GATA2: variants seen among roughly 807,000 people sequenced by gnomAD.
GATA2 encodes endothelial transcription factor GATA-2.
Under a neutral mutation model 35.7 loss-of-function variants are expected in GATA2, and 6 were observed. The observed-to-expected ratio is 0.17, with a 90% confidence interval of 0.09 to 0.33. The LOEUF is 0.33. Among genes scored for constraint, GATA2 ranks in the 10% least tolerant of loss-of-function variants. The pLI, the probability that GATA2 is intolerant of heterozygous loss-of-function variation, is 1.00. For synonymous variants in GATA2, 313 were observed against 274.9 expected (o/e 1.14, Z -1.37); for missense variants, 541 against 656.6 (o/e 0.82, Z 1.92).
At position 128,486,987 on chromosome 3, in the gene GATA2, G is replaced by T. The variant is rs1278414376; in HGVS notation, c.45C>A (p.Ala15=). 6 of 1,607,530 alleles carry T rather than the reference G, an allele frequency of 3.7e-6. No individual in the cohort carries two copies. The highest frequency in any genetic ancestry group is 5.1e-6 in the Non-Finnish European group (6 of 1,177,092). ...PEQPRWMAHP[A]VLNAQHPDSH... ...AGTCGGGGTGCTGCGCATTCAGCAC[G>T]GCCGGGTGCGCCATCCAGCGCGGCT... The change falls in exon 2 of 6, where the codon GCC becomes GCA. Residue 15 remains alanine (A), a synonymous_variant. Coordinates refer to ENST00000341105, the MANE Select transcript of GATA2 (RefSeq NM_032638.5).
Position 128,486,803 on chromosome 3 carries a change from C to T in GATA2, c.229G>A (p.Ala77Thr), listed in dbSNP as rs1253694694. 1 of 1,600,112 alleles carries T rather than the reference C, an allele frequency of 6.2e-7. No homozygotes were observed. Among genetic ancestry groups the T allele is most frequent in the Non-Finnish European group, 8.5e-7 (1 of 1,174,690 alleles). Reference protein sequence around the residue: ...RARVSYSPAHARLTGGQMCRP... With the variant: ...RARVSYSPAHTRLTGGQMCRP... ...TCATCACCACGGGCCCAGTGCTCAC[C>T]GTGCGCGGGGCTGTAGGAGACGCGC... Residue 77 changes from alanine (A) to threonine (T), a missense_variant and splice_region_variant, in exon 2 of 6, where the codon GCC (alanine) becomes ACC (threonine). Ala to Thr is a moderately conservative substitution (Grantham distance 58). Transcript: ENST00000341105.
chr3:128,481,800 C>T lies in GATA2; in HGVS notation c.1143+19G>A, dbSNP rs200465884. On this transcript the variant is annotated intron_variant, in intron 5 of 5. Transcript: ENST00000341105. ...GGTCCCCTGGGAGGGGCGGGGTGGC[C>T]GGGGCGGGGCGCACTCACATTGTGC... 78 of 1,605,386 alleles carry T rather than the reference C, an allele frequency of 4.9e-5. No individual in the cohort carries two copies. In the Middle Eastern group the frequency reaches 6.8e-4, roughly 14 times the overall value.
intron 4 of GATA2, among the ~76,000 whole-genome samples, chr3:128,482,910 G>T (rs914981258): frequency 2.0e-5 from 3 of 152,222 alleles, no homozygotes; most frequent in Admixed American, 6.5e-5. Context: ...GAGTGTGGGG[G>T]GCTGGGGGCT....
At chr3:128,492,401 C>G (rs9825813) in intron 1 of GATA2, among the ~76,000 whole-genome samples, 3,029 of 152,324 alleles carry the variant, frequency 0.02, 101 homozygotes, top group African/African-American at 0.067. Context: ...CGCTCTCCCC[C>G]ACACGCACCC....
Position 128,480,542 on chromosome 3 carries a change from A to C in GATA2, c.*477T>G. 1 of 253,102 alleles carries C rather than the reference A, an allele frequency of 4.0e-6. No homozygotes were observed. Among genetic ancestry groups the C allele is most frequent in the East Asian group, 5.6e-5 (1 of 17,886 alleles). 15.7% of individuals were successfully genotyped at this position (253,102 alleles called of 1,614,324 possible). A position where few individuals can be genotyped will look rare whatever the true frequency, so the allele number is the denominator to read the frequency against. On this transcript the variant is annotated 3_prime_UTR_variant, in exon 6 of 6. Coordinates refer to ENST00000341105, the MANE Select transcript of GATA2 (RefSeq NM_032638.5). Reference sequence around the variant, plus strand: ...TTTCAGAGAGGGAAGCCAGAGGAGAAGAGGGTGCAGGCTGAGGTCCCCACA... The same window carrying C: ...TTTCAGAGAGGGAAGCCAGAGGAGACGAGGGTGCAGGCTGAGGTCCCCACA...
intron 1 of GATA2, among the ~76,000 whole-genome samples, chr3:128,491,567 G>C (rs926163001): frequency 6.6e-6 from 1 of 152,178 alleles, no homozygotes; most frequent in African/African-American, 2.4e-5. Flanking sequence ...GGTTCCCAAG[G>C]GGGGGACTAC....
chr3:128,490,787 T>A (rs1048033532), intron 1 of GATA2: 1 of 152,264 alleles, frequency 6.6e-6, no homozygotes, highest in African/African-American at 2.4e-5. Context: ...TGCTGGGGTC[T>A]TGAGGCGCTG....
rs191501191 is a variant in GATA2, at chr3:128,485,888, C to T, written c.710G>A (p.Gly237Asp). ...SPLRPGLATM[G>D]TQPATHHPIP... The stretch of plus-strand genomic sequence containing the variant: ...GGGGTGGTGTGTAGCAGGCTGGGTG[C>T]CCATAGTAGCTAGGCCTGGGCGCAG... The change falls in exon 3 of 6, where the codon GGC (glycine) becomes GAC (aspartate). Residue 237 changes from glycine (G) to aspartate (D), a missense_variant. Transcript: ENST00000341105. 2,489 of 1,614,026 alleles carry T rather than the reference C, an allele frequency of 1.5e-3. 37 individuals carry two copies. Among genetic ancestry groups the T allele is most frequent in the Non-Finnish European group, 2.1e-4 (250 of 1,179,952 alleles).
At chr3:128,483,706 G>A (rs2068658792) in intron 4 of GATA2, among the ~76,000 whole-genome samples, 154 bp downstream of exon 4, 1 of 152,200 alleles carries the variant, frequency 6.6e-6, no homozygotes, top group African/African-American at 2.4e-5. Context: ...TGGCCAGAAA[G>A]AGAGACGACC....
At chr3:128,489,544 G>A (rs1274655547) in intron 1 of GATA2, 3 of 152,210 alleles carry the variant, frequency 2.0e-5, no homozygotes, top group Non-Finnish European at 4.4e-5. Flanking sequence ...GGAGCGCGCG[G>A]AGCCCGGTCT....
chr3:128,483,831 C>G, intron 4 of GATA2, 29 bp downstream of exon 4: 2 of 1,614,092 alleles, frequency 1.2e-6, no homozygotes, highest in Non-Finnish European at 1.7e-6. Flanking sequence ...CCCAGCAGCC[C>G]CCTCCCAGCC....
At position 128,486,834 on chromosome 3, in the gene GATA2, C is replaced by G. The variant is rs2068707298; in HGVS notation, c.198G>C (p.Ala66=). ...GNPYYANPAH[A]RARVSYSPAH... ...CGGGGCTGTAGGAGACGCGCGCCCG[C>G]GCGTGAGCGGGGTTGGCATAGTAGG... Residue 66 remains alanine, a synonymous_variant, in exon 2 of 6, where the codon GCG becomes GCC. Transcript: ENST00000341105. 6.2e-6 allele frequency: 10 copies of G among 1,610,652 alleles called. No individual in the cohort carries two copies. The highest frequency in any genetic ancestry group is 8.5e-6 in the Non-Finnish European group (10 of 1,179,016).
chr3:128,484,611 T>C (rs1421842027), intron 3 of GATA2, among the ~76,000 whole-genome samples: 2 of 152,034 alleles, frequency 1.3e-5, no homozygotes, highest in Non-Finnish European at 2.9e-5. Flanking sequence ...TAATAAGCTC[T>C]TTCTTTTTTA....
chr3:128,489,301 C>G (rs980087777), intron 1 of GATA2: 1 of 152,352 alleles, frequency 6.6e-6, no homozygotes, highest in African/African-American at 2.4e-5. Context: ...GGCGCGCCCC[C>G]GTCACCCCCT....
chr3:128,484,222 T>C (rs1403023410), intron 3 of GATA2, among the ~76,000 whole-genome samples: 1 of 145,172 alleles, frequency 6.9e-6, no homozygotes, highest in Non-Finnish European at 1.5e-5. Flanking sequence ...CCAAATCCCC[T>C]GCTTCCAATC....
chr3:128,487,653 T>TC (rs2068722594), intron 1 of GATA2: 1 of 149,624 alleles, frequency 6.7e-6, no homozygotes, highest in Admixed American at 6.6e-5. Flanking sequence ...CCCCCCAGAG[T>TC]CCCCTCAAAG....
rs2068599686 is a variant in GATA2 at position 128,479,718 on chromosome 3, C to A, written c.*1301G>T. 8.6e-6 allele frequency: 2 copies of A among 233,696 alleles called. No homozygotes were observed. The highest frequency in any genetic ancestry group is 1.8e-4 in the South Asian group (1 of 5,536). The allele number at this position is 233,696 out of a possible 1,614,324, so 14.5% of individuals were successfully genotyped here. ...ACATCAGCACAATCCTCCTCCTGGG[C>A]CAGGGGCCCCTCACAGGCCACCACA... On this transcript the variant is annotated 3_prime_UTR_variant, in exon 6 of 6. Transcript: ENST00000341105.
Position 128,481,144 on chromosome 3 carries a change from C to T in GATA2, c.1318G>A (p.Val440Met), listed in dbSNP as rs1126559. ...AAALAGHMAP[V>M]GHLPPFSHSG... ...TGGCTGAAGGGCGGGAGGTGGCCCA[C>T]AGGTGCCATGTGTCCAGCCAGGGCA... is the stretch of plus-strand genomic sequence containing the variant. The change falls in exon 6 of 6, where the codon GTG becomes ATG. Residue 440 changes from valine to methionine, a missense_variant. Around this residue, in one of 5 missense-constraint regions of GATA2, gnomAD observed 95 missense variants for 114.0 expected, o/e 0.83. Coordinates refer to ENST00000341105, the MANE Select transcript of GATA2 (RefSeq NM_032638.5). 1 of 1,614,088 alleles carries T rather than the reference C, an allele frequency of 6.2e-7. No individual in the cohort carries two copies. The highest frequency in any genetic ancestry group is 1.3e-5 in the African/African-American group (1 of 74,928).
chr3:128,484,054 C>T, intron 3 of GATA2, 49 bp from the exon 4 acceptor site: 1 of 1,599,882 alleles, frequency 6.3e-7, no homozygotes, highest in Non-Finnish European at 8.5e-7. Flanking sequence ...CCGGCAAGTT[C>T]TCGGGAGGGA....
Sources: allele counts gnomAD v4.1 joint callset (sites outside exome capture counted in the v4.1 genomes callset), GRCh38; gene constraint gnomAD v4.1.1; regional missense constraint gnomAD v4.1.1; transcripts MANE v1.5; gene names NCBI Gene and HGNC (gene_info 2026-07-23, HGNC 2026-07-21).